TIAM2: variants seen among roughly 807,000 people sequenced by gnomAD.
TIAM2 encodes rho guanine nucleotide exchange factor TIAM2.
A neutral mutation model predicts 152.9 loss-of-function variants in TIAM2; 80 were observed. That is an observed-to-expected ratio of 0.52 (90% confidence interval 0.44 to 0.63). The LOEUF is 0.63. Ranked by LOEUF, TIAM2 falls within the 30% of genes least tolerant of loss-of-function variation. The pLI, the probability that TIAM2 is intolerant of heterozygous loss-of-function variation, is 0.00. For missense variants in TIAM2, 1,965 were observed against 2,120.1 expected (o/e 0.93, Z 1.44); for synonymous variants, 804 against 838.0 (o/e 0.96, Z 0.70).
Position 155,129,488 on chromosome 6 carries a change from G to A in TIAM2, c.265G>A (p.Val89Ile). Residue 89 changes from valine to isoleucine, a missense_variant, in exon 4 of 27, where the codon GTT (valine) becomes ATT (isoleucine). Physicochemically the swap from Val to Ile is conservative, Grantham distance 29 (BLOSUM62 3). Around this residue, in one of 3 missense-constraint regions of TIAM2, gnomAD observed 1,025 missense variants for 1,119.4 expected, o/e 0.92. Transcript: ENST00000682666. The surrounding 1 kb of genome is among the most constrained non-coding windows in gnomAD (Gnocchi z 4.8). ...GGPTCKVSRGVAYSTHRTNAP... is the reference protein window; with the variant it reads ...GGPTCKVSRGIAYSTHRTNAP... ...CCCCACATGCAAGGTCTCCAGAGGT[G>A]TTGCCTACTCCACGCACAGGACAAA... 1 of 1,614,186 alleles carries A rather than the reference G, an allele frequency of 6.2e-7. No homozygotes were observed. The highest frequency in any genetic ancestry group is 8.5e-7 in the Non-Finnish European group (1 of 1,180,034).
At chr6:155,145,897 A>G (rs1269497951) in intron 6 of TIAM2, among the ~76,000 whole-genome samples, 1 of 152,100 alleles carries the variant, frequency 6.6e-6, no homozygotes, top group Non-Finnish European at 1.5e-5. Flanking sequence ...CTGAGATTTG[A>G]TTTTCCTTTT....
Position 155,213,773 on chromosome 6 carries a change from C to G in TIAM2, c.3168+2466C>G, listed in dbSNP as rs568508338. Among the ~76,000 whole-genome samples, 8 of 152,352 alleles carry G rather than the reference C, an allele frequency of 5.3e-5. No homozygotes were observed. Among genetic ancestry groups the G allele is most frequent in the African/African-American group, 1.9e-4 (8 of 41,594 alleles). On this transcript the variant is annotated intron_variant, in intron 15 of 26. Coordinates refer to ENST00000682666, the MANE Select transcript of TIAM2 (RefSeq NM_012454.4). This position sits in a 1 kb window ranked among gnomAD's most constrained non-coding sequence, Gnocchi z 4.2. Reference sequence around the variant, plus strand: ...TCAGTCCCCTCCTTGGCCTGCCTCCCATGCTCATTGGTGCCCAAAGTACAG... The same window carrying G: ...TCAGTCCCCTCCTTGGCCTGCCTCCGATGCTCATTGGTGCCCAAAGTACAG...
intron 1 of TIAM2, among the ~76,000 whole-genome samples, chr6:155,020,965 G>A (rs1583154053): frequency 1.3e-5 from 2 of 152,144 alleles, no homozygotes; most frequent in South Asian, 2.1e-4. Flanking sequence ...CCTCATATAA[G>A]TGGAATCATA....
chr6:155,010,159 G>A (rs2114847069), intron 1 of TIAM2, among the ~76,000 whole-genome samples: 1 of 152,284 alleles, frequency 6.6e-6, no homozygotes, highest in South Asian at 2.1e-4. Flanking sequence ...TCTTGAAACT[G>A]TAGACTGTTA....
intron 15 of TIAM2, among the ~76,000 whole-genome samples, chr6:155,229,311 G>C (rs145787874): frequency 6.6e-6 from 1 of 152,162 alleles, no homozygotes; most frequent in Non-Finnish European, 1.5e-5. Context: ...GGGGCACTCG[G>C]GAAATTTATT....
At chr6:155,139,074 T>G (rs1440203510) in intron 5 of TIAM2, among the ~76,000 whole-genome samples, 1 of 152,222 alleles carries the variant, frequency 6.6e-6, no homozygotes, top group African/African-American at 2.4e-5. Flanking sequence ...GCTGAGTGTG[T>G]TGTTCAAAAG....
intron 15 of TIAM2, among the ~76,000 whole-genome samples, chr6:155,223,517 A>ATT (rs11389646): frequency 1.0e-3 from 141 of 140,584 alleles, no homozygotes; most frequent in African/African-American, 2.8e-3. Context: ...ACATCCCCAG[A>ATT]TTTTTTTTTC....
intron 14 of TIAM2, among the ~76,000 whole-genome samples, chr6:155,194,550 A>G (rs1230085774): frequency 6.6e-6 from 1 of 152,158 alleles, no homozygotes; most frequent in African/African-American, 2.4e-5. Flanking sequence ...CTCAGAGCAC[A>G]TAGGTAGGAG....
At chr6:155,020,791 A>G (rs2114864623) in intron 1 of TIAM2, among the ~76,000 whole-genome samples, 1 of 152,150 alleles carries the variant, frequency 6.6e-6, no homozygotes, top group African/African-American at 2.4e-5. Context: ...TATATAGTTG[A>G]GTACATTCAC....
At chr6:155,091,295 G>T (rs989470083) in intron 2 of TIAM2, among the ~76,000 whole-genome samples, 9 of 152,238 alleles carry the variant, frequency 5.9e-5, no homozygotes, top group African/African-American at 2.2e-4. Context: ...TCGGCTTGTT[G>T]TCTGTCTCCG....
In TIAM2 at chr6:155,248,148, C is replaced by T; in HGVS notation, c.3801C>T (p.Asp1267=). ...LLLKELVSLT[D]QESEEHYHLT... is the part of the protein sequence containing the mutation. ...TCAAGGAGCTGGTGTCCCTGACGGA[C>T]CAGGAGAGCGAGGAGCACTACCACC... The change falls in exon 20 of 27, where the codon GAC becomes GAT. Residue 1267 remains aspartate, a synonymous_variant. Transcript: ENST00000682666. 1 of 1,614,040 alleles carries T rather than the reference C, an allele frequency of 6.2e-7. No homozygotes were observed. The highest frequency in any genetic ancestry group is 2.2e-5 in the East Asian group (1 of 44,876).
chr6:155,035,178 G>A (rs1462094692), intron 1 of TIAM2, among the ~76,000 whole-genome samples: 1 of 129,054 alleles, frequency 7.7e-6, no homozygotes, highest in Non-Finnish European at 1.8e-5. Flanking sequence ...AGTGATGTAA[G>A]TTTTGTTTTG....
At chr6:155,126,884 G>C (rs918478641) in intron 2 of TIAM2, among the ~76,000 whole-genome samples, 3 of 150,420 alleles carry the variant, frequency 2.0e-5, no homozygotes, top group African/African-American at 7.4e-5. Flanking sequence ...CTGTGGCTTC[G>C]TGTCCAGCAG....
intron 1 of TIAM2, among the ~76,000 whole-genome samples, chr6:155,079,144 C>T (rs1177834168): frequency 6.6e-6 from 1 of 152,084 alleles, no homozygotes; most frequent in Non-Finnish European, 1.5e-5. Context: ...TCACTACAAC[C>T]TCTGCCTCCT....
intron 1 of TIAM2, among the ~76,000 whole-genome samples, chr6:155,021,339 G>A (rs533074355): frequency 2.0e-5 from 3 of 151,924 alleles, no homozygotes; most frequent in African/African-American, 4.8e-5. Context: ...TCGGCTCACC[G>A]CAACCTCTGC....
chr6:155,183,106 T>C (rs1436460542), intron 13 of TIAM2, 131 bp from the exon 14 acceptor site: 23 of 1,212,314 alleles, frequency 1.9e-5, no homozygotes, highest in Admixed American at 1.9e-4. Context: ...GCTGGCACTT[T>C]CTTTGAAGAA....
chr6:155,123,467 C>T (rs1016988273), intron 2 of TIAM2, among the ~76,000 whole-genome samples: 5 of 152,138 alleles, frequency 3.3e-5, no homozygotes, highest in African/African-American at 4.8e-5. Context: ...TATGAGCCTC[C>T]AGGTGCTAGG....
At chr6:155,227,604 C>G (rs958809568) in intron 15 of TIAM2, among the ~76,000 whole-genome samples, 2 of 152,192 alleles carry the variant, frequency 1.3e-5, no homozygotes, top group African/African-American at 4.8e-5. Context: ...AAGTATCAGA[C>G]TCATGGCATA....
In TIAM2 at chr6:155,174,634, G is replaced by C. The variant is rs1015775734; in HGVS notation, c.2362-2182G>C. On this transcript the variant is annotated intron_variant, in intron 9 of 26. Transcript: ENST00000682666. This position sits in a 1 kb window ranked among gnomAD's most constrained non-coding sequence, Gnocchi z 4.2. Reference sequence around the variant, plus strand: ...TCCACTGGCCTCGGCCTCCCAAAGTGCTGGAATTACAGACGTGAGCCATGG... The same window carrying C: ...TCCACTGGCCTCGGCCTCCCAAAGTCCTGGAATTACAGACGTGAGCCATGG... Among the ~76,000 whole-genome samples the C allele has an allele frequency of 6.6e-6, 1 of 152,208 alleles. No individual in the cohort carries two copies. The highest frequency in any genetic ancestry group is 2.4e-5 in the African/African-American group (1 of 41,438).
Sources: allele counts gnomAD v4.1 joint callset (sites outside exome capture counted in the v4.1 genomes callset), GRCh38; gene constraint gnomAD v4.1.1; regional missense constraint gnomAD v4.1.1; non-coding constraint Gnocchi (gnomAD v3.1); transcripts MANE v1.5; gene names NCBI Gene and HGNC (gene_info 2026-07-23, HGNC 2026-07-21).